The following BMERB1 variants were observed in gnomAD, a reference collection of about 807,000 sequenced individuals.
BMERB1 encodes the protein bMERB domain-containing protein 1.
In BMERB1, 12 loss-of-function variants were observed where a neutral mutation model predicts 23.6. The observed-to-expected ratio is 0.51, with a 90% confidence interval of 0.33 to 0.82. The LOEUF is 0.82. Ranked by LOEUF, BMERB1 falls within the 40% of genes least tolerant of loss-of-function variation. The probability of loss-of-function intolerance (pLI) is 0.03; values close to 1 mark genes in which losing one functional copy is unlikely to be tolerated. For missense variants in BMERB1, 247 were observed against 255.4 expected (o/e 0.97, Z 0.22); for synonymous variants, 122 against 96.6 (o/e 1.26, Z -1.54).
At chr16:15,547,364 A>G (rs2029953054) in intron 2 of BMERB1, among the ~76,000 whole-genome samples, 1 of 137,470 alleles carries the variant, frequency 7.3e-6, no homozygotes, top group African/African-American at 2.7e-5. Context: ...TTTTAGTGAC[A>G]GAGTTTTGCT....
chr16:15,489,720 G>T (rs937583307), intron 1 of BMERB1, among the ~76,000 whole-genome samples: 2 of 152,102 alleles, frequency 1.3e-5, no homozygotes, highest in African/African-American at 2.4e-5. Context: ...GGCTCGAGGG[G>T]ACTGTTGACA....
intron 1 of BMERB1, among the ~76,000 whole-genome samples, chr16:15,496,044 AATG>A (rs1209097815): frequency 1.3e-5 from 2 of 149,732 alleles, no homozygotes; most frequent in Non-Finnish European, 3.0e-5. Flanking sequence ...AAGGGGTGGT[AATG>A]ATGGTGGTGA....
At chr16:15,504,755 A>G (rs564952387) in intron 1 of BMERB1, among the ~76,000 whole-genome samples, 87 of 150,058 alleles carry the variant, frequency 5.8e-4, no homozygotes, top group African/African-American at 2.1e-3. Context: ...ATCCAGCCAC[A>G]TTTTCTAGAA....
chr16:15,470,458 T>C (rs2051218885), intron 1 of BMERB1, among the ~76,000 whole-genome samples: 3 of 152,124 alleles, frequency 2.0e-5, no homozygotes, highest in African/African-American at 7.2e-5. Flanking sequence ...GTACTGTCTC[T>C]CTCTGGTTGT....
intron 1 of BMERB1, among the ~76,000 whole-genome samples, chr16:15,498,232 A>T (rs1266870962): frequency 6.6e-6 from 1 of 151,778 alleles, no homozygotes; most frequent in African/African-American, 2.4e-5. Flanking sequence ...CCCTGGGAGC[A>T]CAATAAAAAA....
chr16:15,583,441 G>A (rs533321010), intron 5 of BMERB1, among the ~76,000 whole-genome samples: 4 of 151,950 alleles, frequency 2.6e-5, no homozygotes, highest in Non-Finnish European at 4.4e-5. Flanking sequence ...AGCTGGGCAC[G>A]GTGGCACACA....
At chr16:15,490,054 C>T (rs1212946887) in intron 1 of BMERB1, among the ~76,000 whole-genome samples, 1 of 151,964 alleles carries the variant, frequency 6.6e-6, no homozygotes, top group African/African-American at 2.4e-5. Context: ...TTTGTAGAGA[C>T]GGAGTTTCAC....
At chr16:15,455,551 C>T (rs756432700) in intron 1 of BMERB1, among the ~76,000 whole-genome samples, 5 of 151,970 alleles carry the variant, frequency 3.3e-5, no homozygotes, top group Non-Finnish European at 2.9e-5. Context: ...AGCTCCGCCT[C>T]ACGGGTTCAC....
intron 1 of BMERB1, among the ~76,000 whole-genome samples, chr16:15,460,899 C>G (rs939799923): frequency 2.0e-5 from 3 of 152,080 alleles, no homozygotes; most frequent in African/African-American, 2.4e-5. Context: ...GAGGCCAAGG[C>G]AAGCACCTGA....
intron 2 of BMERB1, among the ~76,000 whole-genome samples, chr16:15,530,954 G>T (rs1400918120): frequency 7.2e-6 from 1 of 139,112 alleles, no homozygotes; most frequent in African/African-American, 2.7e-5. Context: ...TCACTGGGCT[G>T]GATTGCAGTG....
intron 3 of BMERB1, among the ~76,000 whole-genome samples, chr16:15,580,199 A>AG (rs200643444): frequency 0.061 from 9,230 of 151,488 alleles, 977 homozygotes; most frequent in African/African-American, 0.21. Flanking sequence ...TGGGCTCAAG[A>AG]GATCCACCCA....
At chr16:15,448,293 C>G in intron 1 of BMERB1, among the ~76,000 whole-genome samples, 1 of 152,136 alleles carries the variant, frequency 6.6e-6, no homozygotes, top group African/African-American at 2.4e-5. Context: ...TTGGAATTAT[C>G]CCATGATGAG....
intron 2 of BMERB1, among the ~76,000 whole-genome samples, chr16:15,535,768 T>C (rs114412020): frequency 0.014 from 2,150 of 151,590 alleles, 59 homozygotes; most frequent in African/African-American, 0.051. Flanking sequence ...ATACCAAAGA[T>C]TGAGTAATTT....
At chr16:15,542,989 ATAGCC>A (rs2052100714) in intron 2 of BMERB1, among the ~76,000 whole-genome samples, 1 of 152,148 alleles carries the variant, frequency 6.6e-6, no homozygotes, top group African/African-American at 2.4e-5. Context: ...ATTCAGGGTG[ATAGCC>A]TTTTACACCC....
At position 15,440,650 on chromosome 16, in the gene BMERB1, A is replaced by T. The variant is rs926814744; in HGVS notation, c.106+5891A>T. On this transcript the variant is annotated intron_variant, in intron 1 of 5. Transcript: ENST00000300006. ...TTGAATTCATCTGAAATATGAAAAT[A>T]AAAAGTAAAAAACGACCATCATTTG... 2.6e-5 allele frequency among the ~76,000 whole-genome samples: 4 copies of T among 152,294 alleles called. No homozygotes were observed. In the South Asian group the frequency reaches 8.3e-4, roughly 32 times the overall value.
chr16:15,475,215 T>C (rs2051264964), intron 1 of BMERB1, among the ~76,000 whole-genome samples: 1 of 152,134 alleles, frequency 6.6e-6, no homozygotes, highest in Non-Finnish European at 1.5e-5. Flanking sequence ...CGTACCACTT[T>C]GTTGATGCAG....
At chr16:15,517,845 TTGTGGATGTGTGTG>T (rs199707605) in intron 2 of BMERB1, among the ~76,000 whole-genome samples, 37,161 of 147,838 alleles carry the variant, frequency 0.25, 5,273 homozygotes, top group East Asian at 0.49. Context: ...TATATGTGTA[TTGTGGATGTGTGTG>T]TGTGGATGTG....
At chr16:15,436,050 T>G (rs2050885271) in intron 1 of BMERB1, among the ~76,000 whole-genome samples, 1 of 152,134 alleles carries the variant, frequency 6.6e-6, no homozygotes. Flanking sequence ...CTTTCTTTAA[T>G]TTTTAAGTGC....
Position 15,504,430 on chromosome 16 carries a change from T to C in BMERB1, c.107-10875T>C, listed in dbSNP as rs368194825. ...GTAGAGGGGAATTCTTTATGCTCTT[T>C]GCAACTCTTCTTAAATTTTTTTTTT... On this transcript the variant is annotated intron_variant, in intron 1 of 5. Transcript: ENST00000300006. Among the ~76,000 whole-genome samples the C allele has an allele frequency of 7.2e-5, 11 of 152,184 alleles. No homozygotes were observed. The East Asian group carries it at 1.5e-3, about 21-fold the overall frequency.
Sources: allele counts gnomAD v4.1 joint callset (sites outside exome capture counted in the v4.1 genomes callset), GRCh38; gene constraint gnomAD v4.1.1; transcripts MANE v1.5; gene names NCBI Gene and HGNC (gene_info 2026-07-23, HGNC 2026-07-21).